ICAM2: variants seen among roughly 807,000 people sequenced by gnomAD.
ICAM2 encodes intercellular adhesion molecule 2.
A neutral mutation model predicts 19.1 loss-of-function variants in ICAM2; 14 were observed. The observed-to-expected ratio is 0.73, with a 90% CI of 0.48 to 1.15. The LOEUF (loss-of-function observed/expected upper bound fraction) is 1.15, where lower values mean the gene tolerates loss of function less well. Among genes scored for constraint, ICAM2 ranks in the 50% most tolerant of loss-of-function variants. The pLI is 0.00. For missense variants in ICAM2, 311 were observed against 355.4 expected, an observed-to-expected ratio of 0.88 and a Z score of 1.00; for synonymous variants, 153 against 152.7, an observed-to-expected ratio of 1.00 and a Z score of -0.01.
At chr17:64,014,354 A>G (rs1409364540) in intron 1 of ICAM2, among the ~76,000 whole-genome samples, 2 of 54,214 alleles carry the variant, frequency 3.7e-5, no homozygotes, top group African/African-American at 6.0e-5. Flanking sequence ...AAAGAAAGAA[A>G]GAAAGAAAGA....
chr17:64,007,876 C>T (rs964468198), intron 1 of ICAM2: 4 of 152,160 alleles, frequency 2.6e-5, no homozygotes, highest in African/African-American at 7.2e-5. Context: ...TTTCAATGGA[C>T]GAGAGGACCT....
Position 64,002,743 on chromosome 17 carries a change from G to T in ICAM2, c.*4C>A, listed in dbSNP as rs759745825. ...CGTGGTGGTGGCCATGCCACTCATGGTTGCTATGGCCGGAAGGCCTGGGGC... is the reference window on the plus strand; with the variant it reads ...CGTGGTGGTGGCCATGCCACTCATGTTTGCTATGGCCGGAAGGCCTGGGGC... On this transcript the variant is annotated 3_prime_UTR_variant, in exon 5 of 5. Coordinates refer to ENST00000579788, the MANE Select transcript of ICAM2 (RefSeq NM_001099789.2). The T allele has an allele frequency of 4.0e-5, 64 of 1,610,014 alleles. No individual in the cohort carries two copies. Among genetic ancestry groups the T allele is most frequent in the Non-Finnish European group, 5.3e-5 (63 of 1,179,236 alleles).
At chr17:64,014,426 AG>A in intron 1 of ICAM2, among the ~76,000 whole-genome samples, 3 of 69,652 alleles carry the variant, frequency 4.3e-5, no homozygotes, top group Non-Finnish European at 1.2e-4. Context: ...AAAGAAAGGA[AG>A]GAAGGAAGGA....
intron 3 of ICAM2, chr17:64,004,854 C>T (rs962684113): frequency 2.8e-5 from 16 of 577,620 alleles, no homozygotes; most frequent in Admixed American, 2.4e-4. Flanking sequence ...CTGGATTTGG[C>T]TAAATGTTGG....
At chr17:64,018,229 G>A (rs906618238) in intron 1 of ICAM2, among the ~76,000 whole-genome samples, 2 of 149,450 alleles carry the variant, frequency 1.3e-5, no homozygotes, top group African/African-American at 4.9e-5. Context: ...AGCTACTCGG[G>A]AGGCTGAGGC....
chr17:64,011,651 T>C (rs902306696), intron 1 of ICAM2, among the ~76,000 whole-genome samples: 11 of 151,644 alleles, frequency 7.3e-5, no homozygotes, highest in African/African-American at 2.7e-4. Context: ...GTAATCCTAA[T>C]ACTTTGGGAG....
intron 4 of ICAM2, 188 bp from the exon 5 acceptor site, chr17:64,003,113 AG>A: frequency 1.7e-6 from 1 of 576,356 alleles, no homozygotes; most frequent in Non-Finnish European, 3.1e-6. Flanking sequence ...TCTGGAAAAA[AG>A]GTGGCCCAGG....
In ICAM2 at chr17:64,005,091, C is replaced by A. The variant is rs376534386; in HGVS notation, c.328+16G>T. 2.2e-5 allele frequency: 35 copies of A among 1,613,908 alleles called. No homozygotes were observed. In the African/African-American group the frequency reaches 4.3e-4, roughly 20 times the overall value. ...TGTCCCAGGGGAGAGGAGGGCCCCG[C>A]AGCACAGCCACTCACGGTACACGCT... On this transcript the variant is annotated intron_variant, in intron 3 of 4. Coordinates refer to ENST00000579788, the MANE Select transcript of ICAM2 (RefSeq NM_001099789.2).
intron 2 of ICAM2, 41 bp from the exon 3 acceptor site, chr17:64,005,414 A>AC (rs777157852): frequency 6.3e-7 from 1 of 1,585,630 alleles, no homozygotes; most frequent in South Asian, 1.2e-5. Flanking sequence ...TCATCCCCCC[A>AC]CCCCCTGCCC....
chr17:64,020,266 A>T (rs1911895944), intron 1 of ICAM2: 1 of 152,250 alleles, frequency 6.6e-6, no homozygotes, highest in Non-Finnish European at 1.5e-5. Flanking sequence ...CAGAGGAAGG[A>T]GAGAGGGGAG....
chr17:64,003,893 A>G lies in ICAM2; in HGVS notation c.400T>C (p.Cys134Arg). Reference sequence around the variant, plus strand: ...AGGGGCTCCACGGTGGGCACCCTGCACTCAATGGTGAAGGACTTGCCCACA... The same window carrying G: ...AGGGGCTCCACGGTGGGCACCCTGCGCTCAATGGTGAAGGACTTGCCCACA... The part of the protein sequence containing the change: ...VAVGKSFTIE[C>R]RVPTVEPLDS... Residue 134 changes from cysteine (C) to arginine (R), a missense_variant, in exon 4 of 5, where the codon TGC becomes CGC. Cys to Arg is a radical substitution (Grantham distance 180). Coordinates refer to ENST00000579788, the MANE Select transcript of ICAM2 (RefSeq NM_001099789.2). The G allele has an allele frequency of 6.2e-7, 1 of 1,614,140 alleles. No homozygotes were observed. The highest frequency in any genetic ancestry group is 1.7e-5 in the Admixed American group (1 of 60,020).
rs189137508 is a variant in ICAM2 at position 64,004,390 on chromosome 17, A to G, written c.329-426T>C. On this transcript the variant is annotated intron_variant, in intron 3 of 4. Coordinates refer to ENST00000579788, the MANE Select transcript of ICAM2 (RefSeq NM_001099789.2). The stretch of plus-strand genomic sequence containing the variant: ...GTTCATCACTTAGGAGGCAGAGGCC[A>G]GAGCCAGACCTGCCCAGGTTCTCCA... 31 of 185,600 alleles carry G rather than the reference A, an allele frequency of 1.7e-4. No homozygotes were observed. In the East Asian group the frequency reaches 4.2e-3, roughly 25 times the overall value. 11.5% of individuals were successfully genotyped at this position (185,600 alleles called of 1,614,324 possible).
chr17:64,016,632 G>A (rs1358684161), intron 1 of ICAM2, among the ~76,000 whole-genome samples: 1 of 152,224 alleles, frequency 6.6e-6, no homozygotes, highest in African/African-American at 2.4e-5. Flanking sequence ...GAGACATCCT[G>A]TAGTTTTATC....
rs1910890533 is a variant in ICAM2 at position 64,002,903 on chromosome 17, C to T, written c.672G>A (p.Met224Ile). The change falls in exon 5 of 5, where the codon ATG becomes ATA. Residue 224 changes from methionine (M) to isoleucine (I), a missense_variant. Coordinates refer to ENST00000579788, the MANE Select transcript of ICAM2 (RefSeq NM_001099789.2). ...EIYEPVSDSQ[M>I]VIIVTVVSVL... ...CCGACACCACCGTGACTATGATGAC[C>T]ATCTGGCTGTCCGACACAGGCTCTG... The T allele has an allele frequency of 1.2e-6, 2 of 1,613,654 alleles. No individual in the cohort carries two copies. Among genetic ancestry groups the T allele is most frequent in the South Asian group, 1.1e-5 (1 of 91,032 alleles).
chr17:64,014,376 A>AAAGAAAGGAAGGAAGG (rs1567849318), intron 1 of ICAM2, among the ~76,000 whole-genome samples: 4 of 55,342 alleles, frequency 7.2e-5, no homozygotes, highest in African/African-American at 2.5e-4. Context: ...AGAAAGAAAG[A>AAAGAAAGGAAGGAAGG]AAGGAAGGAA....
At chr17:64,018,588 G>A (rs1414973294) in intron 1 of ICAM2, among the ~76,000 whole-genome samples, 2 of 151,738 alleles carry the variant, frequency 1.3e-5, no homozygotes, top group Non-Finnish European at 2.9e-5. Flanking sequence ...TGCTCTCAGA[G>A]ATAATTAGGC....
chr17:64,011,449 G>A (rs972571668), intron 1 of ICAM2, among the ~76,000 whole-genome samples: 1 of 152,062 alleles, frequency 6.6e-6, no homozygotes, highest in East Asian at 1.9e-4. Flanking sequence ...GTGACAGAGC[G>A]AGACTCCATC....
intron 4 of ICAM2, 178 bp downstream of exon 4, chr17:64,003,466 A>C (rs1274869788): frequency 3.2e-6 from 2 of 629,596 alleles, no homozygotes; most frequent in Non-Finnish European, 5.6e-6. Context: ...GGAGCAGTTG[A>C]GGTCCAAGCT....
At chr17:64,013,456 G>A (rs1191808791) in intron 1 of ICAM2, among the ~76,000 whole-genome samples, 3 of 152,014 alleles carry the variant, frequency 2.0e-5, no homozygotes, top group African/African-American at 2.4e-5. Context: ...AGCCAAGATC[G>A]TGCCACTGCA....
Sources: gnomAD v4.1 joint callset for allele counts (sites outside exome capture counted in the v4.1 genomes callset) on GRCh38, gnomAD v4.1.1 for gene constraint, MANE v1.5 for transcripts, NCBI Gene and HGNC (gene_info 2026-07-23, HGNC 2026-07-21) for gene names.